LAPTM4B: variants seen among roughly 807,000 people sequenced by gnomAD.
The protein encoded by LAPTM4B is lysosomal-associated transmembrane protein 4B.
LAPTM4B carries 26 observed loss-of-function variants against 28.5 expected under a neutral mutation model. The observed-to-expected ratio is 0.91, with a 90% CI of 0.67 to 1.27. The LOEUF (loss-of-function observed/expected upper bound fraction) is 1.27, where lower values mean the gene tolerates loss of function less well. Ranked by LOEUF, LAPTM4B falls within the 50% of genes most tolerant of loss-of-function variation. The pLI is 0.00. For synonymous variants in LAPTM4B, 109 were observed against 106.4 expected, an observed-to-expected ratio of 1.02 and a Z score of -0.15; for missense variants, 288 against 285.8, an observed-to-expected ratio of 1.01 and a Z score of -0.06.
At position 97,823,044 on chromosome 8, in the gene LAPTM4B, C is replaced by T. The variant is rs140182527; in HGVS notation, c.508-2014C>T. ...TTTTACTAGAGACAGGGTTTCATCG[C>T]GTTAGCCAGGGTGGTCTCTATCTCC... On this transcript the variant is annotated intron_variant, in intron 5 of 6. Coordinates refer to ENST00000521545, the MANE Select transcript of LAPTM4B (RefSeq NM_018407.6). Among the ~76,000 whole-genome samples the T allele has an allele frequency of 5.9e-3, 904 of 152,058 alleles. 6 individuals are homozygous for T. The highest frequency in any genetic ancestry group is 0.02 in the African/African-American group (848 of 41,498).
At chr8:97,824,938 T>C (rs901437769) in intron 5 of LAPTM4B, 120 bp from the exon 6 acceptor site, 4 of 608,434 alleles carry the variant, frequency 6.6e-6, no homozygotes, top group Middle Eastern at 3.2e-4. Flanking sequence ...AGAGCTGTTA[T>C]AATATGTGCA....
chr8:97,787,656 A>G (rs1328042781), intron 1 of LAPTM4B, among the ~76,000 whole-genome samples: 1 of 152,210 alleles, frequency 6.6e-6, no homozygotes, highest in Non-Finnish European at 1.5e-5. Flanking sequence ...CTTTTAAAGA[A>G]TACAAGTCCT....
intron 6 of LAPTM4B, among the ~76,000 whole-genome samples, chr8:97,840,086 AT>A (rs1204534087): frequency 6.6e-6 from 1 of 152,228 alleles, no homozygotes; most frequent in Non-Finnish European, 1.5e-5. Flanking sequence ...GGCGTAGCAC[AT>A]TCAGGCTTCA....
In LAPTM4B at chr8:97,819,727, CTTTTTTTTTTT is replaced by C. The variant is rs532220760; in HGVS notation, c.507+504_507+514del. ...ATGCATTTATCTCAAGATAAATTTC[CTTTTTTTTTTT>C]TTTTTTTTTTTTTTGAGATGGAGTC... is the stretch of plus-strand genomic sequence containing the variant. On this transcript the variant is annotated intron_variant, in intron 5 of 6. Coordinates refer to ENST00000521545, the MANE Select transcript of LAPTM4B (RefSeq NM_018407.6). Among the ~76,000 whole-genome samples the C allele has an allele frequency of 1.0e-3, 82 of 78,574 alleles. 1 individual carries two copies. The South Asian group carries it at 0.036, about 35-fold the overall frequency. 51.5% of individuals were successfully genotyped at this position (78,574 alleles called of 152,430 possible).
At chr8:97,801,208 C>T (rs891786813) in intron 1 of LAPTM4B, among the ~76,000 whole-genome samples, 6 of 140,126 alleles carry the variant, frequency 4.3e-5, no homozygotes, top group Non-Finnish European at 6.1e-5. Context: ...GATGGAGTTT[C>T]GCTCTTGTTG....
chr8:97,785,583 G>A (rs1050729176), intron 1 of LAPTM4B, among the ~76,000 whole-genome samples: 6 of 152,278 alleles, frequency 3.9e-5, no homozygotes, highest in South Asian at 2.1e-4. Flanking sequence ...ATAGACTGAC[G>A]TTGCCCTGAC....
At chr8:97,788,834 A>G (rs1816450379) in intron 1 of LAPTM4B, among the ~76,000 whole-genome samples, 7 of 151,330 alleles carry the variant, frequency 4.6e-5, no homozygotes, top group Admixed American at 4.6e-4. Context: ...AGCTGAGACT[A>G]CGGGTGTCTG....
intron 2 of LAPTM4B, among the ~76,000 whole-genome samples, chr8:97,808,972 G>A (rs2449552): frequency 0.9 from 134,342 of 149,472 alleles, 62,005 homozygotes; most frequent in Non-Finnish European, 1. Flanking sequence ...GAAAGAAAAA[G>A]AAAAAAGAAA....
At chr8:97,849,611 G>C (rs897089420) in intron 6 of LAPTM4B, among the ~76,000 whole-genome samples, 13 of 152,232 alleles carry the variant, frequency 8.5e-5, no homozygotes, top group African/African-American at 2.9e-4. Context: ...AGGCCGGCTG[G>C]CGGGTGCGAC....
At chr8:97,794,587 G>A (rs1378117546) in intron 1 of LAPTM4B, among the ~76,000 whole-genome samples, 1 of 140,474 alleles carries the variant, frequency 7.1e-6, no homozygotes, top group East Asian at 2.0e-4. Context: ...AGCATGGGAA[G>A]AAGTTTATTT....
chr8:97,822,411 TATCTTTAAAAAG>T (rs142159812), intron 5 of LAPTM4B, among the ~76,000 whole-genome samples: 71,718 of 151,198 alleles, frequency 0.47, 17,207 homozygotes, highest in East Asian at 0.57. Flanking sequence ...ACCTCACAAT[TATCTTTAAAAAG>T]ACTTTTTAAA....
chr8:97,789,611 C>G (rs1184692853), intron 1 of LAPTM4B, among the ~76,000 whole-genome samples: 1 of 148,762 alleles, frequency 6.7e-6, no homozygotes, highest in African/African-American at 2.5e-5. Context: ...CATCGCAACC[C>G]CTGCCTCCCG....
chr8:97,798,036 C>A (rs1021850268), intron 1 of LAPTM4B, among the ~76,000 whole-genome samples: 1 of 110,702 alleles, frequency 9.0e-6, no homozygotes, highest in Non-Finnish European at 2.0e-5. Context: ...TAAGTGTGTC[C>A]CCTCTTTTGC....
intron 6 of LAPTM4B, among the ~76,000 whole-genome samples, chr8:97,843,157 A>G (rs1817378417): frequency 6.6e-6 from 1 of 152,208 alleles, no homozygotes; most frequent in South Asian, 2.1e-4. Flanking sequence ...TTAGGATTAC[A>G]GGCGTGAGCC....
At chr8:97,823,344 G>GTTTTTTT (rs10561869) in intron 5 of LAPTM4B, among the ~76,000 whole-genome samples, 8 of 109,296 alleles carry the variant, frequency 7.3e-5, no homozygotes, top group South Asian at 3.2e-4. Context: ...ATACAATATG[G>GTTTTTTT]TTTTTTTTTT....
chr8:97,798,167 C>T (rs966692617), intron 1 of LAPTM4B, among the ~76,000 whole-genome samples: 73 of 152,168 alleles, frequency 4.8e-4, no homozygotes, highest in African/African-American at 1.7e-3. Flanking sequence ...GCCATTTTCG[C>T]TCTTTCAGGA....
chr8:97,842,092 G>A (rs953583990), intron 6 of LAPTM4B, among the ~76,000 whole-genome samples: 3 of 152,194 alleles, frequency 2.0e-5, no homozygotes, highest in African/African-American at 7.2e-5. Flanking sequence ...TCTATCGCAA[G>A]TATTTGACTT....
chr8:97,842,796 C>T lies in LAPTM4B; in HGVS notation c.604-8601C>T, dbSNP rs148348031. Among the ~76,000 whole-genome samples, 366 of 152,152 alleles carry T rather than the reference C, an allele frequency of 2.4e-3. 1 individual carries two copies. The highest frequency in any genetic ancestry group is 8.1e-3 in the African/African-American group (337 of 41,510). On this transcript the variant is annotated intron_variant, in intron 6 of 6. Coordinates refer to ENST00000521545, the MANE Select transcript of LAPTM4B (RefSeq NM_018407.6). ...CCTCCCAAAGTGCTGGGACTACAGG[C>T]GTGAGCCACCGCGCCTGGCCTAATC...
At chr8:97,786,643 G>A (rs992350414) in intron 1 of LAPTM4B, among the ~76,000 whole-genome samples, 1 of 151,210 alleles carries the variant, frequency 6.6e-6, no homozygotes, top group African/African-American at 2.4e-5. Flanking sequence ...AGGTTGTGGT[G>A]AGCTGAGATC....
Sources: allele counts gnomAD v4.1 joint callset (sites outside exome capture counted in the v4.1 genomes callset), GRCh38; gene constraint gnomAD v4.1.1; transcripts MANE v1.5; gene names NCBI Gene and HGNC (gene_info 2026-07-23, HGNC 2026-07-21).